Variants in SPTBN4 observed in about 807,000 individuals in gnomAD.
SPTBN4 encodes the protein spectrin beta, non-erythrocytic 4, also known as spectrin beta chain, non-erythrocytic 4.
Under a neutral mutation model 277.8 loss-of-function variants are expected in SPTBN4, and 96 were observed. The ratio of observed to expected loss-of-function variants is 0.35; its 90% CI spans 0.29 to 0.41. The LOEUF (loss-of-function observed/expected upper bound fraction) is 0.41. Ranked by LOEUF, SPTBN4 falls within the 10% of genes least tolerant of loss-of-function variation. The pLI is 1.00. For synonymous variants in SPTBN4, 1,481 were observed against 1,580.3 expected (o/e 0.94, Z 1.49); for missense variants, 3,006 against 3,595.7 (o/e 0.84, Z 4.19).
rs577366448 is a variant in SPTBN4 at position 40,471,163 on chromosome 19, T to A, written c.-15-1444T>A. ...GGTTTCACCATGTTGGCCAGGCCGGTCTTGAACTCCTGACCTCAGGTGATC... is the reference window on the plus strand; with the variant it reads ...GGTTTCACCATGTTGGCCAGGCCGGACTTGAACTCCTGACCTCAGGTGATC... On this transcript the variant is annotated intron_variant, in intron 1 of 35. Transcript: ENST00000598249. 1.4e-3 allele frequency among the ~76,000 whole-genome samples: 211 copies of A among 152,186 alleles called. 2 individuals carry two copies. The highest frequency in any genetic ancestry group is 4.8e-3 in the African/African-American group (201 of 41,534).
chr19:40,504,148 C>CCCCCA lies in SPTBN4; in HGVS notation c.1665+16_1665+17insCCCCA. 7 of 645,698 alleles carry CCCCCA rather than the reference C, an allele frequency of 1.1e-5. No individual in the cohort carries two copies. The highest frequency in any genetic ancestry group is 1.3e-5 in the Non-Finnish European group (6 of 471,326). 40.0% of individuals were successfully genotyped at this position (645,698 alleles called of 1,614,324 possible). On this transcript the variant is annotated intron_variant, in intron 12 of 35. Transcript: ENST00000598249. ...GGAGATGCAGGTGCCGGCGGGGGGGCGGGGATGCGGGTGGAGTGCCAGGAG... is the reference window on the plus strand; with the variant it reads ...GGAGATGCAGGTGCCGGCGGGGGGGCCCCCAGGGGATGCGGGTGGAGTGCCAGGAG...
chr19:40,492,916 G>A, intron 4 of SPTBN4, 47 bp from the exon 5 acceptor site: 1 of 1,560,162 alleles, frequency 6.4e-7, no homozygotes, highest in Non-Finnish European at 8.8e-7. Flanking sequence ...GGCATTCGAA[G>A]CCTCAAGCTC....
chr19:40,513,904 A>G (rs561700692), intron 14 of SPTBN4, among the ~76,000 whole-genome samples: 2 of 151,710 alleles, frequency 1.3e-5, no homozygotes, highest in African/African-American at 2.4e-5. Flanking sequence ...TCAACGACCT[A>G]TGCTTCTACA....
In SPTBN4 at chr19:40,505,382, C is replaced by CAAAAAAAAAAA. The variant is rs1209780246; in HGVS notation, c.1666-842_1666-832dup. On this transcript the variant is annotated intron_variant, in intron 12 of 35. Coordinates refer to ENST00000598249, the MANE Select transcript of SPTBN4 (RefSeq NM_020971.3). ...TGGATGACAGAGTGAGACCCTGTCT[C>CAAAAAAAAAAA]AAAAAAAAAAAAAAAAAAAAAAGAA... Among the ~76,000 whole-genome samples, 3 of 55,864 alleles carry CAAAAAAAAAAA rather than the reference C, an allele frequency of 5.4e-5. 1 individual carries two copies. Among genetic ancestry groups the CAAAAAAAAAAA allele is most frequent in the African/African-American group, 7.3e-5 (1 of 13,762 alleles). 36.6% of individuals were successfully genotyped at this position (55,864 alleles called of 152,430 possible). A position where few individuals can be genotyped will look rare whatever the true frequency, so the allele number is the denominator to read the frequency against.
At chr19:40,479,166 C>T (rs1197124199) in intron 2 of SPTBN4, among the ~76,000 whole-genome samples, 11 of 152,100 alleles carry the variant, frequency 7.2e-5, no homozygotes, top group African/African-American at 1.4e-4. Context: ...GGTGCTATCA[C>T]GGCTCACTGC....
At chr19:40,538,339 A>T (rs551611502) in intron 20 of SPTBN4, among the ~76,000 whole-genome samples, 401 of 2,146 alleles carry the variant, frequency 0.19, 2 homozygotes, top group African/African-American at 0.34. Context: ...CAGTGAGGCA[A>T]GATTGCACCT....
chr19:40,484,862 G>A (rs550193173), intron 2 of SPTBN4, among the ~76,000 whole-genome samples: 1 of 152,040 alleles, frequency 6.6e-6, no homozygotes, highest in South Asian at 2.1e-4. Flanking sequence ...AACCCGGGAG[G>A]CAAAGCTTGC....
chr19:40,498,867 A>C (rs988343723), intron 7 of SPTBN4, among the ~76,000 whole-genome samples: 80 of 150,222 alleles, frequency 5.3e-4, no homozygotes, highest in Non-Finnish European at 5.9e-5. Context: ...ACACCTGGCT[A>C]ATTTTTGTAT....
chr19:40,571,916 A>G, intron 33 of SPTBN4, 103 bp from the exon 34 acceptor site: 1 of 1,362,522 alleles, frequency 7.3e-7, no homozygotes, highest in African/African-American at 1.5e-5. Context: ...GCAAAGGTCC[A>G]GAGGTAGGAA....
chr19:40,498,368 TTTTATTTTA>T lies in SPTBN4; in HGVS notation c.784+772_784+780del, dbSNP rs201821880. On this transcript the variant is annotated intron_variant, in intron 7 of 35. Coordinates refer to ENST00000598249, the MANE Select transcript of SPTBN4 (RefSeq NM_020971.3). ...GAGAGAATTTATCAACCCTGTTTTA[TTTTATTTTA>T]TTTATTTATTTATTTATTTATTTAT... 4.2e-3 allele frequency among the ~76,000 whole-genome samples: 616 copies of T among 146,762 alleles called. 9 individuals carry two copies. In the East Asian group the frequency reaches 0.046, roughly 11 times the overall value.
rs545401227 is a variant in SPTBN4 at position 40,557,308 on chromosome 19, C to T, written c.5575C>T (p.Arg1859Cys). The change falls in exon 26 of 36, where the codon CGC becomes TGC. Residue 1859 changes from arginine to cysteine, a missense_variant. By Grantham distance (180) the Arg-to-Cys change is radical (BLOSUM62 -3). Around this residue, in one of 5 missense-constraint regions of SPTBN4, gnomAD observed 425 missense variants for 594.7 expected, o/e 0.71. Transcript: ENST00000598249. ...QIEEKRRRLP[R>C]LTTPPEPRPS... ...TGAGGAGAAGCGGAGGCGGCTGCCCCGCCTGACCACCCCGCCTGAGCCGAG... is the reference window on the plus strand; with the variant it reads ...TGAGGAGAAGCGGAGGCGGCTGCCCTGCCTGACCACCCCGCCTGAGCCGAG... 8.1e-6 allele frequency: 13 copies of T among 1,613,362 alleles called. No homozygotes were observed. The highest frequency in any genetic ancestry group is 1.3e-5 in the African/African-American group (1 of 75,040).
chr19:40,540,984 C>A (rs1394773514), intron 20 of SPTBN4, among the ~76,000 whole-genome samples: 1 of 152,106 alleles, frequency 6.6e-6, no homozygotes, highest in Non-Finnish European at 1.5e-5. Context: ...ACATGAGCTC[C>A]TGTTTCCTCT....
chr19:40,513,115 C>T lies in SPTBN4; in HGVS notation c.2326C>T (p.His776Tyr). The change falls in exon 14 of 36, where the codon CAC (histidine) becomes TAC (tyrosine). Residue 776 changes from histidine to tyrosine, a missense_variant. By Grantham distance (83) the His-to-Tyr change is moderately conservative. This residue lies in a region of SPTBN4 where 1,759 missense variants were observed against 2,061.5 expected (regional missense o/e 0.85). Transcript: ENST00000598249. ...ERRLQEARAL[H>Y]QFGADLDGLL... is the part of the protein sequence containing the mutation. ...GCGGCTGCAGGAGGCGCGGGCGCTG[C>T]ACCAGTTCGGCGCTGACCTCGACGG... The T allele has an allele frequency of 6.8e-7, 1 of 1,464,644 alleles. No individual in the cohort carries two copies. The highest frequency in any genetic ancestry group is 1.3e-5 in the South Asian group (1 of 76,338). 90.7% of individuals were successfully genotyped at this position (1,464,644 alleles called of 1,614,324 possible). A position where few individuals can be genotyped will look rare whatever the true frequency, so the allele number is the denominator to read the frequency against.
chr19:40,524,405 G>GGAGGA (rs2080565456), intron 17 of SPTBN4: 3 of 262,172 alleles, frequency 1.1e-5, no homozygotes, highest in Non-Finnish European at 2.3e-5. Flanking sequence ...TACTCTTGAG[G>GGAGGA]CTGAGATGGG....
intron 6 of SPTBN4, among the ~76,000 whole-genome samples, chr19:40,496,580 G>A (rs1021598900): frequency 6.6e-6 from 1 of 151,998 alleles, no homozygotes; most frequent in Non-Finnish European, 1.5e-5. Context: ...CACCATGCCC[G>A]GCTGGCAGGT....
chr19:40,572,684 C>A, intron 35 of SPTBN4: 1 of 391,518 alleles, frequency 2.6e-6, no homozygotes. Context: ...TTTGGCCAGG[C>A]GCGGTGGCTC....
intron 6 of SPTBN4, 51 bp downstream of exon 6, chr19:40,495,028 C>A: frequency 6.5e-7 from 1 of 1,545,930 alleles, no homozygotes; most frequent in Non-Finnish European, 8.9e-7. Context: ...CCCCCATATC[C>A]CTGCAGCTGC....
intron 4 of SPTBN4, 95 bp from the exon 5 acceptor site, chr19:40,492,868 C>T: frequency 2.7e-6 from 3 of 1,103,862 alleles, no homozygotes; most frequent in South Asian, 1.3e-5. Flanking sequence ...TCTCCTCTGT[C>T]ACCTGCCACC....
Position 40,490,155 on chromosome 19 carries a change from C to A in SPTBN4, c.402C>A (p.Arg134=). Reference sequence around the variant, plus strand: ...CGCTGCAGTTTCTGAAGGAGCAGCGCGTGCACCTGGAGAACGTGGGTTCGC... The same window carrying A: ...CGCTGCAGTTTCTGAAGGAGCAGCGAGTGCACCTGGAGAACGTGGGTTCGC... The part of the protein sequence containing the change: ...DKALQFLKEQ[R]VHLENVGSHD... The change falls in exon 4 of 36, where the codon CGC becomes CGA. Residue 134 remains arginine, a synonymous_variant. Coordinates refer to ENST00000598249, the MANE Select transcript of SPTBN4 (RefSeq NM_020971.3). The surrounding 1 kb of genome is among the most constrained non-coding windows in gnomAD (Gnocchi z 4.3). 1 of 1,614,178 alleles carries A rather than the reference C, an allele frequency of 6.2e-7. No individual in the cohort carries two copies.
Sources: gnomAD v4.1 joint callset for allele counts (sites outside exome capture counted in the v4.1 genomes callset) on GRCh38, gnomAD v4.1.1 for gene constraint, gnomAD v4.1.1 regional missense constraint, Gnocchi (gnomAD v3.1) non-coding constraint, MANE v1.5 for transcripts, NCBI Gene and HGNC (gene_info 2026-07-23, HGNC 2026-07-21) for gene names.